SCG2: variants seen among roughly 807,000 people sequenced by gnomAD.
The protein encoded by SCG2 is secretogranin II.
In SCG2, 23 loss-of-function variants were observed where a neutral mutation model predicts 49.5. The observed-to-expected ratio is 0.46, with a 90% CI of 0.33 to 0.66. SCG2 has a LOEUF of 0.66. SCG2 is among the 30% of genes least tolerant of loss of function. SCG2 has a pLI of 0.01. For synonymous variants in SCG2, 288 were observed against 260.4 expected (o/e 1.11, Z -1.02); for missense variants, 730 against 728.2 (o/e 1.00, Z -0.03).
At position 223,598,665 on chromosome 2, in the gene SCG2, C is replaced by T; in HGVS notation, c.618G>A (p.Gly206=). 6.2e-7 allele frequency: 1 copy of T among 1,613,986 alleles called. No homozygotes were observed. The highest frequency in any genetic ancestry group is 8.5e-7 in the Non-Finnish European group (1 of 1,180,028). The change falls in exon 2 of 2, where the codon GGG becomes GGA. Residue 206 remains glycine (G), a synonymous_variant. Transcript: ENST00000305409. The part of the protein sequence containing the change: ...ATLESVFQEL[G]KLTGPNNQKR... ...TCTGGTTGTTTGGTCCTGTCAGTTT[C>T]CCCAGCTCTTGGAAGACAGATTCCA... is the stretch of plus-strand genomic sequence containing the variant.
In SCG2 at chr2:223,598,290, A is replaced by C. The variant is rs778200226; in HGVS notation, c.993T>G (p.Asn331Lys). ...AGSGRLQNGQ[N>K]GERATRLFEK... The stretch of plus-strand genomic sequence containing the variant: ...CAAAAAGCCTGGTGGCCCTTTCCCC[A>C]TTTTGCCCATTCTGTAACCTCCCAC... The change falls in exon 2 of 2, where the codon AAT (asparagine) becomes AAG (lysine). Residue 331 changes from asparagine to lysine, a missense_variant. By Grantham distance (94) the Asn-to-Lys change is moderately conservative. Transcript: ENST00000305409. 17 of 1,614,066 alleles carry C rather than the reference A, an allele frequency of 1.1e-5. No homozygotes were observed. Among genetic ancestry groups the C allele is most frequent in the Non-Finnish European group, 1.4e-5 (17 of 1,180,022 alleles).
chr2:223,599,164 G>C lies in SCG2; in HGVS notation c.119C>G (p.Pro40Arg), dbSNP rs757584964. ...FQRNQLLQKE[P>R]DLRLENVQKF... The stretch of plus-strand genomic sequence containing the variant: ...TTGGACATTTTCCAACCTGAGGTCT[G>C]GTTCTTTCTGAAGCAGCTGGTTTCT... The change falls in exon 2 of 2, where the codon CCA (proline) becomes CGA (arginine). Residue 40 changes from proline to arginine, a missense_variant. By Grantham distance (103) the Pro-to-Arg change is moderately radical. Coordinates refer to ENST00000305409, the MANE Select transcript of SCG2 (RefSeq NM_003469.5). 1 of 1,614,010 alleles carries C rather than the reference G, an allele frequency of 6.2e-7. No individual in the cohort carries two copies. Among genetic ancestry groups the C allele is most frequent in the Middle Eastern group, 1.6e-4 (1 of 6,062 alleles).
chr2:223,598,166 C>T lies in SCG2; in HGVS notation c.1117G>A (p.Glu373Lys), dbSNP rs907216571. The change falls in exon 2 of 2, where the codon GAG becomes AAG. Residue 373 changes from glutamate to lysine, a missense_variant. Physicochemically the swap from Glu to Lys is moderately conservative, Grantham distance 56. Coordinates refer to ENST00000305409, the MANE Select transcript of SCG2 (RefSeq NM_003469.5). ...EDLIEMLKTG[E>K]KPNGSVEPER... ...GGTTCCACTGATCCATTCGGCTTCT[C>T]CCCAGTTTTGAGCATCTCAATTAAG... The T allele has an allele frequency of 3.7e-6, 6 of 1,613,928 alleles. No homozygotes were observed. The highest frequency in any genetic ancestry group is 3.4e-6 in the Non-Finnish European group (4 of 1,179,948).
At chr2:223,602,189 A>G (rs1691401159) in intron 1 of SCG2, 96 bp downstream of exon 1, 1 of 152,240 alleles carries the variant, frequency 6.6e-6, no homozygotes, top group African/African-American at 2.4e-5. Flanking sequence ...TATCGACATA[A>G]GCTTGCCAAA....
chr2:223,601,921 C>T (rs892254093), intron 1 of SCG2, among the ~76,000 whole-genome samples: 2 of 152,150 alleles, frequency 1.3e-5, no homozygotes, highest in African/African-American at 2.4e-5. Flanking sequence ...CCCCTGGCTT[C>T]GTATCTGGCT....
At position 223,598,411 on chromosome 2, in the gene SCG2, T is replaced by C. The variant is rs147813266; in HGVS notation, c.872A>G (p.Gln291Arg). ...EMKRSGQLGI[Q>R]EEDLRKESKD... is the part of the protein sequence containing the mutation. ...ACTCTCTTTCCGAAGATCTTCTTCC[T>C]GGATGCCAAGCTGCCCTGAGCGTTT... Residue 291 changes from glutamine (Q) to arginine (R), a missense_variant, in exon 2 of 2, where the codon CAG (glutamine) becomes CGG (arginine). Coordinates refer to ENST00000305409, the MANE Select transcript of SCG2 (RefSeq NM_003469.5). The C allele has an allele frequency of 2.4e-4, 394 of 1,614,118 alleles. No individual in the cohort carries two copies. The highest frequency in any genetic ancestry group is 3.1e-4 in the Non-Finnish European group (371 of 1,180,030).
chr2:223,597,756 G>A lies in SCG2; in HGVS notation c.1527C>T (p.Ala509=). ...TCTCAGGGTATTTAACTAGCATCCTGGCCAAGTACTCACCTAATTCTTGAT... is the reference window on the plus strand; with the variant it reads ...TCTCAGGGTATTTAACTAGCATCCTAGCCAAGTACTCACCTAATTCTTGAT... ...DKDQELGEYL[A]RMLVKYPEII... The change falls in exon 2 of 2, where the codon GCC becomes GCT. Residue 509 remains alanine (A), a synonymous_variant. Coordinates refer to ENST00000305409, the MANE Select transcript of SCG2 (RefSeq NM_003469.5). 6.2e-7 allele frequency: 1 copy of A among 1,614,048 alleles called. No homozygotes were observed. Among genetic ancestry groups the A allele is most frequent in the East Asian group, 2.2e-5 (1 of 44,876 alleles).
Position 223,597,544 on chromosome 2 carries a change from G to A in SCG2, c.1739C>T (p.Pro580Leu). ...ATCTTCATCCCAGTACTGCCTATTT[G>A]GGGTATCATCATTCTTCGGGGGCCC... The part of the protein sequence containing the change: ...PVGPPKNDDT[P>L]NRQYWDEDLL... The change falls in exon 2 of 2, where the codon CCA becomes CTA. Residue 580 changes from proline (P) to leucine (L), a missense_variant. Physicochemically the swap from Pro to Leu is moderately conservative, Grantham distance 98. Coordinates refer to ENST00000305409, the MANE Select transcript of SCG2 (RefSeq NM_003469.5). 2 of 1,614,116 alleles carry A rather than the reference G, an allele frequency of 1.2e-6. No individual in the cohort carries two copies. Among genetic ancestry groups the A allele is most frequent in the East Asian group, 4.5e-5 (2 of 44,882 alleles).
intron 1 of SCG2, among the ~76,000 whole-genome samples, chr2:223,600,164 T>TAA (rs1283115089): frequency 1.3e-5 from 2 of 152,232 alleles, no homozygotes; most frequent in African/African-American, 4.8e-5. Flanking sequence ...TCAGAGTGTA[T>TAA]AGTAAATAAT....
At position 223,597,047 on chromosome 2, in the gene SCG2, A is replaced by G. The variant is rs1691306298; in HGVS notation, c.*382T>C. 6.3e-6 allele frequency: 1 copy of G among 159,120 alleles called. No homozygotes were observed. Among genetic ancestry groups the G allele is most frequent in the South Asian group, 2.0e-4 (1 of 4,950 alleles). The allele number at this position is 159,120 out of a possible 1,614,324, so 9.9% of individuals were successfully genotyped here. A position where few individuals can be genotyped will look rare whatever the true frequency, so the allele number is the denominator to read the frequency against. On this transcript the variant is annotated 3_prime_UTR_variant, in exon 2 of 2. Coordinates refer to ENST00000305409, the MANE Select transcript of SCG2 (RefSeq NM_003469.5). ...CTTTATTTTTTTGGTCCAGTACTCC[A>G]CAAAACACTACAGACAGTAACAAAA... is the stretch of plus-strand genomic sequence containing the variant.
rs542741718 is a variant in SCG2 at position 223,598,223 on chromosome 2, T to C, written c.1060A>G (p.Ile354Val). 6.2e-7 allele frequency: 1 copy of C among 1,614,188 alleles called. No individual in the cohort carries two copies. Among genetic ancestry groups the C allele is most frequent in the East Asian group, 2.2e-5 (1 of 44,862 alleles). Residue 354 changes from isoleucine (I) to valine (V), a missense_variant, in exon 2 of 2, where the codon ATC becomes GTC. Ile to Val is a conservative substitution (Grantham distance 29). Transcript: ENST00000305409. The stretch of plus-strand genomic sequence containing the variant: ...GGGGGTATCTGTAAATTCCTTGAGA[T>C]TTCAATCAGCTGATAAATAGACTGA... ...DSQSIYQLIEISRNLQIPPED... is the reference protein window; with the variant it reads ...DSQSIYQLIEVSRNLQIPPED...
At position 223,597,113 on chromosome 2, in the gene SCG2, A is replaced by T; in HGVS notation, c.*316T>A. 4.7e-6 allele frequency: 1 copy of T among 211,800 alleles called. No individual in the cohort carries two copies. The highest frequency in any genetic ancestry group is 1.1e-4 in the East Asian group (1 of 9,194). The allele number at this position is 211,800 out of a possible 1,614,324, so 13.1% of individuals were successfully genotyped here. A position where few individuals can be genotyped will look rare whatever the true frequency, so the allele number is the denominator to read the frequency against. ...TAAAAACTTTCAATAGAATTATAGG[A>T]CACTTTTTTATCATATGTGAGCATC... On this transcript the variant is annotated 3_prime_UTR_variant, in exon 2 of 2. Transcript: ENST00000305409.
chr2:223,598,735 T>C lies in SCG2; in HGVS notation c.548A>G (p.Asn183Ser). ...AGTATATTGTTCCTCCACTATTTCA[T>C]TTGTGCGTTTAAAGGGGTTATCCCT... ...NSRDNPFKRT[N>S]EIVEEQYTPQ... Residue 183 changes from asparagine (N) to serine (S), a missense_variant, in exon 2 of 2, where the codon AAT (asparagine) becomes AGT (serine). Transcript: ENST00000305409. The C allele has an allele frequency of 1.2e-6, 2 of 1,613,828 alleles. No individual in the cohort carries two copies. Among genetic ancestry groups the C allele is most frequent in the South Asian group, 1.1e-5 (1 of 91,084 alleles).
Position 223,597,716 on chromosome 2 carries a change from G to T in SCG2, c.1567C>A (p.Gln523Lys). 1.2e-6 allele frequency: 2 copies of T among 1,614,098 alleles called. No homozygotes were observed. Among genetic ancestry groups the T allele is most frequent in the Non-Finnish European group, 8.5e-7 (1 of 1,180,014 alleles). ...VKYPEIINSN[Q>K]VKRVPGQGSS... ...CCTTGACCAGGAACTCGCTTCACTT[G>T]GTTTGAATTAATGATCTCAGGGTAT... The change falls in exon 2 of 2, where the codon CAA becomes AAA. Residue 523 changes from glutamine (Q) to lysine (K), a missense_variant. Gln to Lys is a moderately conservative substitution (Grantham distance 53, BLOSUM62 1). Coordinates refer to ENST00000305409, the MANE Select transcript of SCG2 (RefSeq NM_003469.5).
chr2:223,599,287 G>A lies in SCG2; in HGVS notation c.-5C>T, dbSNP rs1691354034. 3.2e-6 allele frequency: 5 copies of A among 1,554,142 alleles called. No homozygotes were observed. Among genetic ancestry groups the A allele is most frequent in the East Asian group, 2.3e-5 (1 of 43,980 alleles). On this transcript the variant is annotated 5_prime_UTR_variant, in exon 2 of 2. Coordinates refer to ENST00000305409, the MANE Select transcript of SCG2 (RefSeq NM_003469.5). ...GTGGGTCTTTGCTTCAGCCATGTTT[G>A]AAAGATTTCCTTAAAACATAAAAAA...
intron 1 of SCG2, 46 bp downstream of exon 1, chr2:223,602,239 T>C (rs1017390408): frequency 3.3e-5 from 5 of 152,182 alleles, no homozygotes; most frequent in African/African-American, 1.2e-4. Flanking sequence ...AAGAAGAGCA[T>C]GCAATTTGGA....
At position 223,597,971 on chromosome 2, in the gene SCG2, T is replaced by A; in HGVS notation, c.1312A>T (p.Asn438Tyr). The change falls in exon 2 of 2, where the codon AAT (asparagine) becomes TAT (tyrosine). Residue 438 changes from asparagine to tyrosine, a missense_variant. Transcript: ENST00000305409. Reference protein sequence around the residue: ...PDGLSVEDILNLLGMESAANQ... With the variant: ...PDGLSVEDILYLLGMESAANQ... ...GCTGCACTCTCCATCCCTAAAAGAT[T>A]TAAAATATCCTCAACACTGAGCCCG... 1.9e-6 allele frequency: 3 copies of A among 1,614,084 alleles called. No individual in the cohort carries two copies.
rs372448306 is a variant in SCG2 at position 223,598,423 on chromosome 2, T to G, written c.860A>C (p.Gln287Pro). Residue 287 changes from glutamine (Q) to proline (P), a missense_variant, in exon 2 of 2, where the codon CAG becomes CCG. By Grantham distance (76) the Gln-to-Pro change is moderately conservative. Transcript: ENST00000305409. ...QINDEMKRSGQLGIQEEDLRK... is the reference protein window; with the variant it reads ...QINDEMKRSGPLGIQEEDLRK... ...AAGATCTTCTTCCTGGATGCCAAGCTGCCCTGAGCGTTTCATCTCATCGTT... is the reference window on the plus strand; with the variant it reads ...AAGATCTTCTTCCTGGATGCCAAGCGGCCCTGAGCGTTTCATCTCATCGTT... 3.7e-6 allele frequency: 6 copies of G among 1,614,036 alleles called. No individual in the cohort carries two copies. The African/African-American group carries it at 8.0e-5, about 22-fold the overall frequency.
rs74491058 is a variant in SCG2, at chr2:223,599,353, C to T, written c.-14-57G>A. On this transcript the variant is annotated intron_variant, in intron 1 of 1. Transcript: ENST00000305409. The stretch of plus-strand genomic sequence containing the variant: ...TGAAACAAACTAGAAGACACTATAG[C>T]AAAAGAAATAATTGATCATTGAGGT... The T allele has an allele frequency of 1.6e-3, 2,200 of 1,391,654 alleles. 33 individuals carry two copies. In the African/African-American group the frequency reaches 0.029, roughly 18 times the overall value. 86.2% of individuals were successfully genotyped at this position (1,391,654 alleles called of 1,614,324 possible). A position where few individuals can be genotyped will look rare whatever the true frequency, so the allele number is the denominator to read the frequency against.
Sources: allele counts gnomAD v4.1 joint callset (sites outside exome capture counted in the v4.1 genomes callset), GRCh38; gene constraint gnomAD v4.1.1; transcripts MANE v1.5; gene names NCBI Gene and HGNC (gene_info 2026-07-23, HGNC 2026-07-21).